Variants in SUPT7L observed in about 807,000 individuals in gnomAD.
SUPT7L encodes SPT7 like, STAGA complex subunit gamma.
Under a neutral mutation model 35.7 loss-of-function variants are expected in SUPT7L, and 15 were observed. The observed-to-expected ratio is 0.42, with a 90% CI of 0.28 to 0.65. SUPT7L has a LOEUF of 0.65. Among genes scored for constraint, SUPT7L ranks in the 30% least tolerant of loss-of-function variants. The pLI is 0.23. For synonymous variants in SUPT7L, 168 were observed against 186.2 expected (o/e 0.90, Z 0.79); for missense variants, 434 against 522.2 (o/e 0.83, Z 1.65).
At chr2:27,659,813 GTATA>G (rs1441008612) in intron 3 of SUPT7L, among the ~76,000 whole-genome samples, 1 of 152,120 alleles carries the variant, frequency 6.6e-6, no homozygotes, top group East Asian at 1.9e-4. Flanking sequence ...GTATATGTGT[GTATA>G]TATGTGTATA....
rs147093867 is a variant in SUPT7L, at chr2:27,656,120, G to A, written c.745-518C>T. Among the ~76,000 whole-genome samples the A allele has an allele frequency of 6.8e-3, 1,031 of 151,926 alleles. 17 individuals carry two copies. The highest frequency in any genetic ancestry group is 0.024 in the African/African-American group (978 of 41,408). ...GGATCGCTTGTAGTGAGCTGTGATT[G>A]TGCCACTGCACTCCAGCCCAGGCAA... On this transcript the variant is annotated intron_variant, in intron 4 of 5. Transcript: ENST00000337768.
downstream of SUPT7L, among the ~76,000 whole-genome samples, chr2:27,649,090 A>G (rs533877106): frequency 6.6e-6 from 1 of 151,956 alleles, no homozygotes; most frequent in East Asian, 2.0e-4. Context: ...CTACAAGTAC[A>G]AAAAATTAGC....
chr2:27,642,978 C>T, the SUPT7L span, among the ~76,000 whole-genome samples: 7 of 151,220 alleles, frequency 4.6e-5, no homozygotes, highest in South Asian at 1.5e-3. Flanking sequence ...CACACACACA[C>T]ACACACACAC....
chr2:27,648,726 C>G (rs12474585), downstream of SUPT7L, among the ~76,000 whole-genome samples: 1 of 151,996 alleles, frequency 6.6e-6, no homozygotes, highest in East Asian at 1.9e-4. Flanking sequence ...ACCGCTGCCT[C>G]CCGGGTTCAA....
At position 27,657,500 on chromosome 2, in the gene SUPT7L, G is replaced by T; in HGVS notation, c.589C>A (p.Leu197Met). 2.5e-6 allele frequency: 4 copies of T among 1,614,242 alleles called. No homozygotes were observed. The highest frequency in any genetic ancestry group is 3.4e-6 in the Non-Finnish European group (4 of 1,180,048). Residue 197 changes from leucine to methionine, a missense_variant, in exon 4 of 6, where the codon CTG becomes ATG. By Grantham distance (15) the Leu-to-Met change is conservative (BLOSUM62 2). Coordinates refer to ENST00000337768, the MANE Select transcript of SUPT7L (RefSeq NM_014860.3). This position sits in a 1 kb window ranked among gnomAD's most constrained non-coding sequence, Gnocchi z 5.2. ...HEYCLKFTKL[L>M]RFAVDREARL... ...GCCTCCCGGTCCACAGCAAAACGCA[G>T]CAACTTGGTAAACTTAAGGCAATAC...
chr2:27,661,850 T>A, intron 2 of SUPT7L: 1 of 417,750 alleles, frequency 2.4e-6, no homozygotes, highest in South Asian at 2.6e-5. Context: ...GCTGGATCAA[T>A]AGGAGAAAAA....
intron 4 of SUPT7L, among the ~76,000 whole-genome samples, chr2:27,656,138 C>A (rs1189832160): frequency 6.6e-6 from 1 of 151,940 alleles, no homozygotes. Flanking sequence ...GCACTCCAGC[C>A]CAGGCAACCC....
rs1177918722 is a variant in SUPT7L at position 27,653,300 on chromosome 2, A to C, written c.*185T>G. On this transcript the variant is annotated 3_prime_UTR_variant, in exon 6 of 6. Transcript: ENST00000337768. ...AAGGGTGGCTTGGTTGTGGAAAACT[A>C]TAAAAACTGGATGCAAAAGTAAAAT... 4 of 811,682 alleles carry C rather than the reference A, an allele frequency of 4.9e-6. No individual in the cohort carries two copies. Among genetic ancestry groups the C allele is most frequent in the Non-Finnish European group, 7.5e-6 (4 of 534,134 alleles). The allele number at this position is 811,682 out of a possible 1,614,324, so 50.3% of individuals were successfully genotyped here.
chr2:27,645,085 A>G, the SUPT7L span, among the ~76,000 whole-genome samples: 2 of 152,018 alleles, frequency 1.3e-5, no homozygotes, highest in African/African-American at 4.8e-5. Flanking sequence ...CCCCTGTCTC[A>G]GCCTCCAGAG....
intron 2 of SUPT7L, chr2:27,661,700 A>C: frequency 9.1e-7 from 1 of 1,101,990 alleles, no homozygotes. Context: ...TTGGGTCATT[A>C]GTGGACCAAT....
rs1479394411 is a variant in SUPT7L at position 27,651,434 on chromosome 2, T to G, written c.*2051A>C. The G allele has an allele frequency of 6.6e-6, 1 of 152,396 alleles. No homozygotes were observed. The highest frequency in any genetic ancestry group is 6.5e-5 in the Admixed American group (1 of 15,284). 9.4% of individuals were successfully genotyped at this position (152,396 alleles called of 1,614,324 possible). ...TCCTCACATCATTTGCCTTCTCATA[T>G]TTCCCTCGTCTTGACCATCTGGTGC... On this transcript the variant is annotated 3_prime_UTR_variant, in exon 6 of 6. Transcript: ENST00000337768.
At chr2:27,647,761 T>A, downstream of SUPT7L, 3 of 842,558 alleles carry the variant, frequency 3.6e-6, no homozygotes, top group Non-Finnish European at 4.0e-6. Context: ...CCTGCCAGTT[T>A]ATGATCATAG....
intron 5 of SUPT7L, among the ~76,000 whole-genome samples, chr2:27,654,194 G>T (rs1024418856): frequency 1.3e-5 from 2 of 152,098 alleles, no homozygotes; most frequent in Admixed American, 1.3e-4. Flanking sequence ...AAAGTTAATG[G>T]TCACTACATA....
At chr2:27,654,618 G>A (rs1297461315) in intron 5 of SUPT7L, among the ~76,000 whole-genome samples, 1 of 152,074 alleles carries the variant, frequency 6.6e-6, no homozygotes, top group Admixed American at 6.5e-5. Flanking sequence ...CCAGGCTGGA[G>A]TGCAGTGGTG....
downstream of SUPT7L, among the ~76,000 whole-genome samples, chr2:27,647,439 A>G (rs1253264018): frequency 6.6e-6 from 1 of 152,168 alleles, no homozygotes; most frequent in African/African-American, 2.4e-5. Flanking sequence ...CATTTCCACC[A>G]GGAGGCTTCC....
rs1558498367 is a variant in SUPT7L at position 27,655,307 on chromosome 2, A to C, written c.982+58T>G. 4 of 1,471,046 alleles carry C rather than the reference A, an allele frequency of 2.7e-6. No homozygotes were observed. In the East Asian group the frequency reaches 7.1e-5, roughly 26 times the overall value. The allele number at this position is 1,471,046 out of a possible 1,614,324, so 91.1% of individuals were successfully genotyped here. A position where few individuals can be genotyped will look rare whatever the true frequency, so the allele number is the denominator to read the frequency against. On this transcript the variant is annotated intron_variant, in intron 5 of 5. Transcript: ENST00000337768. ...TCTTGAGCTTGATTCCAAAAAGCAA[A>C]AAGTACTGAAATTGGCAGATCTCCC... is the stretch of plus-strand genomic sequence containing the variant.
At chr2:27,655,652 G>T in intron 4 of SUPT7L, 50 bp from the exon 5 acceptor site, 1 of 1,484,954 alleles carries the variant, frequency 6.7e-7, no homozygotes, top group South Asian at 1.3e-5. Flanking sequence ...AAAGCAAGTT[G>T]GATAGTCAGC....
chr2:27,663,042 C>A (rs574260648), intron 1 of SUPT7L, among the ~76,000 whole-genome samples: 1 of 150,864 alleles, frequency 6.6e-6, no homozygotes, highest in Non-Finnish European at 1.5e-5. Context: ...CCCGCCTCAG[C>A]CTCCCAAAAT....
the SUPT7L span, among the ~76,000 whole-genome samples, chr2:27,644,723 G>GTTTT: frequency 2.1e-4 from 21 of 101,738 alleles, 1 homozygote; most frequent in African/African-American, 6.6e-4. Flanking sequence ...TTTTGGTAGT[G>GTTTT]TTTTTTTTTT....
Sources: gnomAD v4.1 joint callset for allele counts (sites outside exome capture counted in the v4.1 genomes callset) on GRCh38, gnomAD v4.1.1 for gene constraint, Gnocchi (gnomAD v3.1) non-coding constraint, MANE v1.5 for transcripts, NCBI Gene and HGNC (gene_info 2026-07-23, HGNC 2026-07-21) for gene names.